The following FGD4 variants were observed in gnomAD, a reference collection of about 807,000 sequenced individuals.
FGD4 encodes the protein FYVE, RhoGEF and PH domain containing 4.
A neutral mutation model predicts 102.0 loss-of-function variants in FGD4; 42 were observed. The observed-to-expected ratio is 0.41, with a 90% confidence interval of 0.32 to 0.53. The LOEUF (loss-of-function observed/expected upper bound fraction) is 0.53. Ranked by LOEUF, FGD4 falls within the 20% of genes least tolerant of loss-of-function variation. The probability of loss-of-function intolerance (pLI) is 0.21; values close to 1 mark genes in which losing one functional copy is unlikely to be tolerated. For missense variants in FGD4, 902 were observed against 1,078.2 expected (o/e 0.84, Z 2.29); for synonymous variants, 380 against 375.7 (o/e 1.01, Z -0.13).
At chr12:32,503,930 G>A (rs1294627989) in intron 1 of FGD4, among the ~76,000 whole-genome samples, 2 of 146,582 alleles carry the variant, frequency 1.4e-5, no homozygotes, top group South Asian at 2.2e-4. Flanking sequence ...TGTGGCATCC[G>A]TGTACTTGGG....
intron 1 of FGD4, among the ~76,000 whole-genome samples, chr12:32,489,033 G>C (rs1030939948): frequency 6.6e-6 from 1 of 152,210 alleles, no homozygotes; most frequent in Admixed American, 6.5e-5. Context: ...AGTAGACTCA[G>C]AATTAGTCTG....
intron 1 of FGD4, among the ~76,000 whole-genome samples, chr12:32,556,579 G>A (rs1045662549): frequency 3.3e-5 from 5 of 152,072 alleles, no homozygotes; most frequent in Non-Finnish European, 5.9e-5. Flanking sequence ...ATTTCCTGCT[G>A]GGCGCAGTGG....
chr12:32,599,232 C>T (rs933993307), intron 5 of FGD4, among the ~76,000 whole-genome samples: 3 of 151,614 alleles, frequency 2.0e-5, no homozygotes, highest in African/African-American at 7.3e-5. Context: ...CGGTGGCTCA[C>T]GCCTGTAATC....
chr12:32,528,973 T>C (rs1199368489), intron 1 of FGD4, among the ~76,000 whole-genome samples: 1 of 152,172 alleles, frequency 6.6e-6, no homozygotes, highest in Non-Finnish European at 1.5e-5. Context: ...TAAATAGATG[T>C]TCAAGGATAA....
intron 1 of FGD4, among the ~76,000 whole-genome samples, chr12:32,554,906 G>C (rs1052741163): frequency 6.6e-6 from 1 of 152,250 alleles, no homozygotes; most frequent in African/African-American, 2.4e-5. Context: ...ATGGGGCTAA[G>C]GCCAGATCCT....
At chr12:32,520,275 G>T (rs563662941) in intron 1 of FGD4, among the ~76,000 whole-genome samples, 1 of 151,920 alleles carries the variant, frequency 6.6e-6, no homozygotes, top group Admixed American at 6.6e-5. Flanking sequence ...TTAAATAAAC[G>T]AATACAAGAG....
intron 5 of FGD4, among the ~76,000 whole-genome samples, chr12:32,600,737 A>C (rs147199236): frequency 3.0e-4 from 46 of 151,974 alleles, no homozygotes; most frequent in African/African-American, 1.1e-3. Flanking sequence ...TCCTTTGTCC[A>C]TTCATTGGCC....
intron 1 of FGD4, among the ~76,000 whole-genome samples, chr12:32,498,354 A>C (rs1327739452): frequency 2.0e-5 from 3 of 152,112 alleles, no homozygotes; most frequent in Non-Finnish European, 4.4e-5. Flanking sequence ...TATTTTTGCA[A>C]AGTCGAGGGT....
chr12:32,491,112 T>C (rs1315066742), intron 1 of FGD4, among the ~76,000 whole-genome samples: 1 of 138,216 alleles, frequency 7.2e-6, no homozygotes, highest in African/African-American at 2.7e-5. Flanking sequence ...GTAATGGATG[T>C]TGGAATACCT....
At chr12:32,446,663 G>T (rs1942624674) in intron 1 of FGD4, among the ~76,000 whole-genome samples, 1 of 152,164 alleles carries the variant, frequency 6.6e-6, no homozygotes, top group African/African-American at 2.4e-5. Flanking sequence ...TGCTTTTGCT[G>T]TTTCCTCAAG....
intron 1 of FGD4, chr12:32,511,976 A>T (rs1939419653): frequency 6.6e-6 from 1 of 152,130 alleles, no homozygotes; most frequent in South Asian, 2.1e-4. Context: ...CCCCCTATTT[A>T]AAAAAATGGA....
intron 1 of FGD4, among the ~76,000 whole-genome samples, chr12:32,535,247 T>C (rs940933448): frequency 8.5e-5 from 13 of 152,336 alleles, no homozygotes; most frequent in Non-Finnish European, 1.5e-4. Flanking sequence ...GATATAAGCC[T>C]CACTGAAAAA....
intron 4 of FGD4, among the ~76,000 whole-genome samples, chr12:32,583,827 A>G (rs561519094): frequency 2.0e-5 from 3 of 152,378 alleles, no homozygotes; most frequent in African/African-American, 7.2e-5. Context: ...CCTCAATACA[A>G]TGATAGATTT....
At chr12:32,569,258 C>T (rs1945448072) in intron 2 of FGD4, among the ~76,000 whole-genome samples, 1 of 152,214 alleles carries the variant, frequency 6.6e-6, no homozygotes, top group South Asian at 2.1e-4. Context: ...TTTTCCTCTA[C>T]ATTCTCAACA....
chr12:32,570,255 A>G (rs1268051156), intron 2 of FGD4, among the ~76,000 whole-genome samples: 3 of 149,680 alleles, frequency 2.0e-5, no homozygotes, highest in Non-Finnish European at 4.4e-5. Flanking sequence ...AAAAAAAAAA[A>G]AAAAAAAGAA....
chr12:32,493,721 T>A (rs1944188701), intron 1 of FGD4, among the ~76,000 whole-genome samples: 1 of 152,226 alleles, frequency 6.6e-6, no homozygotes, highest in African/African-American at 2.4e-5. Flanking sequence ...CAAAGCCCCC[T>A]GTCCTTATGG....
chr12:32,522,465 C>T (rs1313749613), intron 1 of FGD4, among the ~76,000 whole-genome samples: 1 of 152,176 alleles, frequency 6.6e-6, no homozygotes, highest in Non-Finnish European at 1.5e-5. Flanking sequence ...AAATTTGGAT[C>T]AGGCAGCTCA....
At chr12:32,604,156 G>A (rs187360294) in intron 7 of FGD4, among the ~76,000 whole-genome samples, 1 of 152,302 alleles carries the variant, frequency 6.6e-6, no homozygotes, top group Admixed American at 6.5e-5. Context: ...GCTTTCAGCA[G>A]TTTAAATATG....
intron 1 of FGD4, among the ~76,000 whole-genome samples, chr12:32,524,145 C>T (rs1306614673): frequency 1.3e-5 from 2 of 151,592 alleles, no homozygotes; most frequent in Non-Finnish European, 2.9e-5. Context: ...GCCTGTAATC[C>T]CAGCACTTTG....
Sources: gnomAD v4.1 joint callset for allele counts (sites outside exome capture counted in the v4.1 genomes callset) on GRCh38, gnomAD v4.1.1 for gene constraint, MANE v1.5 for transcripts, NCBI Gene and HGNC (gene_info 2026-07-23, HGNC 2026-07-21) for gene names.